Variants in DYNC2H1 observed in about 807,000 individuals in gnomAD.
The protein encoded by DYNC2H1 is cytoplasmic dynein 2 heavy chain 1.
DYNC2H1 carries 410 observed loss-of-function variants against 570.0 expected under a neutral mutation model. The ratio of observed to expected loss-of-function variants is 0.72; its 90% CI spans 0.66 to 0.78. DYNC2H1 has a LOEUF of 0.78. Among genes scored for constraint, DYNC2H1 ranks in the 30% least tolerant of loss-of-function variants. The probability of loss-of-function intolerance (pLI) is 0.00; values close to 1 mark genes in which losing one functional copy is unlikely to be tolerated. For missense variants in DYNC2H1, 4,865 were observed against 5,046.4 expected, an observed-to-expected ratio of 0.96 and a Z score of 1.09; for synonymous variants, 1,688 against 1,677.6, an observed-to-expected ratio of 1.01 and a Z score of -0.15.
At chr11:103,136,331 CG>C (rs1859547457) in intron 17 of DYNC2H1, among the ~76,000 whole-genome samples, 1 of 151,478 alleles carries the variant, frequency 6.6e-6, no homozygotes, top group South Asian at 2.1e-4. Flanking sequence ...CCCATTAACT[CG>C]TCATTTACCA....
chr11:103,221,663 C>G (rs1014882640), intron 57 of DYNC2H1, among the ~76,000 whole-genome samples: 12 of 152,250 alleles, frequency 7.9e-5, no homozygotes, highest in South Asian at 2.1e-4. Flanking sequence ...TGAGACCAGC[C>G]TGGGCCACAT....
intron 82 of DYNC2H1, among the ~76,000 whole-genome samples, chr11:103,329,043 A>ATGAAGT (rs1938635789): frequency 6.6e-6 from 1 of 152,100 alleles, no homozygotes; most frequent in Non-Finnish European, 1.5e-5. Context: ...CGTAGGACAG[A>ATGAAGT]CTTCAGATGT....
At chr11:103,425,411 A>G (rs1174484799) in intron 84 of DYNC2H1, among the ~76,000 whole-genome samples, 1 of 152,084 alleles carries the variant, frequency 6.6e-6, no homozygotes, top group Admixed American at 6.6e-5. Context: ...TTTTCCTTGT[A>G]TCCTCATATG....
intron 83 of DYNC2H1, among the ~76,000 whole-genome samples, chr11:103,370,419 C>T (rs1400308759): frequency 6.6e-6 from 1 of 152,212 alleles, no homozygotes; most frequent in East Asian, 1.9e-4. Context: ...GGGAAGGACA[C>T]AGGCCTGGCT....
intron 85 of DYNC2H1, among the ~76,000 whole-genome samples, chr11:103,453,292 G>A (rs10895431): frequency 0.25 from 37,185 of 151,686 alleles, 4,735 homozygotes; most frequent in Admixed American, 0.33. Context: ...ATTTATGTGT[G>A]CATATTTCTG....
intron 65 of DYNC2H1, among the ~76,000 whole-genome samples, chr11:103,248,100 C>A (rs1281673095): frequency 2.6e-5 from 4 of 151,966 alleles, no homozygotes; most frequent in Non-Finnish European, 4.4e-5. Flanking sequence ...ATCTTTCTTT[C>A]TTTGTATTTA....
intron 83 of DYNC2H1, among the ~76,000 whole-genome samples, chr11:103,360,784 T>C (rs1245588655): frequency 1.3e-5 from 2 of 152,130 alleles, no homozygotes; most frequent in Non-Finnish European, 2.9e-5. Context: ...AAGAGAGATA[T>C]TAGAAGATGA....
chr11:103,222,283 G>A (rs756094473), intron 58 of DYNC2H1, 130 bp downstream of exon 58: 2 of 620,320 alleles, frequency 3.2e-6, no homozygotes, highest in Admixed American at 7.5e-5. Flanking sequence ...AAGCTTATAG[G>A]AATTACACTT....
At chr11:103,283,877 AT>A (rs893164674) in intron 73 of DYNC2H1, among the ~76,000 whole-genome samples, 4 of 150,084 alleles carry the variant, frequency 2.7e-5, no homozygotes, top group East Asian at 2.0e-4. Flanking sequence ...TATATCCTCC[AT>A]TTTTTTTTCA....
chr11:103,469,531 C>T (rs1053835618), intron 88 of DYNC2H1, among the ~76,000 whole-genome samples: 1 of 152,068 alleles, frequency 6.6e-6, no homozygotes, highest in Non-Finnish European at 1.5e-5. Context: ...TATTGTCATT[C>T]TCCTTATAAA....
Position 103,283,029 on chromosome 11 carries a change from G to C in DYNC2H1, c.10834G>C (p.Asp3612His), listed in dbSNP as rs116872934. The C allele has an allele frequency of 6.7e-3, 10,746 of 1,602,214 alleles. 67 individuals carry two copies. The highest frequency in any genetic ancestry group is 0.027 in the Admixed American group (1,572 of 58,944). The change falls in exon 73 of 89, where the codon GAT (aspartate) becomes CAT (histidine). Residue 3612 changes from aspartate to histidine, a missense_variant. Physicochemically the swap from Asp to His is moderately conservative, Grantham distance 81. Coordinates refer to ENST00000375735, the MANE Select transcript of DYNC2H1 (RefSeq NM_001377.3). Reference protein sequence around the residue: ...RKADSQQKIRDQLPSWIDQER... With the variant: ...RKADSQQKIRHQLPSWIDQER... ...AAAGGACTCTCAACAAAAAATACGT[G>C]ATCAGCTTCCGTCTTGGATAGATCA...
chr11:103,416,322 G>GA lies in DYNC2H1; in HGVS notation c.12366+16456dup, dbSNP rs1446398518. Among the ~76,000 whole-genome samples, 18 of 150,280 alleles carry GA rather than the reference G, an allele frequency of 1.2e-4. No homozygotes were observed. In the South Asian group the frequency reaches 3.4e-3, roughly 28 times the overall value. ...AATAATAATAATTAATAATAAAAAA[G>GA]AAAAAACTACTTTTAAGTTTCATAT... On this transcript the variant is annotated intron_variant, in intron 84 of 88. Transcript: ENST00000375735.
intron 88 of DYNC2H1, among the ~76,000 whole-genome samples, chr11:103,476,832 G>C (rs1294794173): frequency 1.3e-5 from 2 of 152,126 alleles, no homozygotes; most frequent in African/African-American, 4.8e-5. Flanking sequence ...AGGCTTAAAA[G>C]TAGAATGTCT....
chr11:103,329,769 A>G (rs894472797), intron 82 of DYNC2H1, among the ~76,000 whole-genome samples: 1 of 152,060 alleles, frequency 6.6e-6, no homozygotes, highest in African/African-American at 2.4e-5. Flanking sequence ...GGTACTTTCT[A>G]TTAATGAATA....
chr11:103,142,943 T>C (rs952936241), intron 17 of DYNC2H1, among the ~76,000 whole-genome samples: 4 of 152,236 alleles, frequency 2.6e-5, no homozygotes, highest in African/African-American at 7.2e-5. Context: ...CTGGACCCTT[T>C]CAGATTTGTA....
chr11:103,400,702 G>C (rs1203925611), intron 84 of DYNC2H1, among the ~76,000 whole-genome samples: 1 of 151,712 alleles, frequency 6.6e-6, no homozygotes, highest in African/African-American at 2.4e-5. Flanking sequence ...TCAATATAGG[G>C]AAACCTCTGA....
rs76677873 is a variant in DYNC2H1 at position 103,427,762 on chromosome 11, C to T, written c.12367-8181C>T. On this transcript the variant is annotated intron_variant, in intron 84 of 88. Transcript: ENST00000375735. The stretch of plus-strand genomic sequence containing the variant: ...CTGCTCCATTCTCATGAGCTTATTA[C>T]TTCTTAAAGGCCTTGCCTCCTAATA... Among the ~76,000 whole-genome samples the T allele has an allele frequency of 3.8e-3, 572 of 152,204 alleles. 7 individuals are homozygous for T. Among genetic ancestry groups the T allele is most frequent in the African/African-American group, 0.013 (556 of 41,564 alleles).
chr11:103,282,689 A>G (rs1172923965), intron 72 of DYNC2H1, among the ~76,000 whole-genome samples: 2 of 152,056 alleles, frequency 1.3e-5, no homozygotes, highest in African/African-American at 4.8e-5. Flanking sequence ...AACACGGAAC[A>G]TAGATCATGT....
intron 36 of DYNC2H1, among the ~76,000 whole-genome samples, chr11:103,174,710 G>A (rs951572621): frequency 1.3e-5 from 2 of 152,088 alleles, no homozygotes; most frequent in Non-Finnish European, 2.9e-5. Flanking sequence ...TACCGCAGAG[G>A]TGGAGTGTCT....
Sources: allele counts gnomAD v4.1 joint callset (sites outside exome capture counted in the v4.1 genomes callset), GRCh38; gene constraint gnomAD v4.1.1; transcripts MANE v1.5; gene names NCBI Gene and HGNC (gene_info 2026-07-23, HGNC 2026-07-21).